Variants in ANO2 observed in about 807,000 individuals in gnomAD.
ANO2 encodes the protein anoctamin-2.
In ANO2, 101 loss-of-function variants were observed where a neutral mutation model predicts 124.2. That is an observed-to-expected ratio of 0.81 (90% CI 0.69 to 0.96). The LOEUF (loss-of-function observed/expected upper bound fraction) is 0.96. Among genes scored for constraint, ANO2 ranks in the 40% least tolerant of loss-of-function variants. The pLI, the probability that ANO2 is intolerant of heterozygous loss-of-function variation, is 0.00. For synonymous variants in ANO2, 486 were observed against 482.5 expected (o/e 1.01, Z -0.09); for missense variants, 1,293 against 1,274.5 (o/e 1.01, Z -0.22).
intron 14 of ANO2, among the ~76,000 whole-genome samples, chr12:5,718,301 C>A (rs1383411669): frequency 6.6e-6 from 1 of 152,204 alleles, no homozygotes; most frequent in African/African-American, 2.4e-5. Flanking sequence ...TCCTCAAAGA[C>A]CCCACATGAT....
chr12:5,703,689 GGT>G (rs2137030665), intron 14 of ANO2, among the ~76,000 whole-genome samples: 1 of 152,130 alleles, frequency 6.6e-6, no homozygotes, highest in African/African-American at 2.4e-5. Flanking sequence ...TGGGACTACA[GGT>G]GTGCACCACA....
At chr12:5,827,902 A>AG in intron 6 of ANO2, 82 bp from the exon 7 acceptor site, 1 of 1,476,672 alleles carries the variant, frequency 6.8e-7, no homozygotes, top group Non-Finnish European at 9.2e-7. Flanking sequence ...ACTGCCTGGC[A>AG]GGGGCGGGAG....
intron 15 of ANO2, among the ~76,000 whole-genome samples, chr12:5,640,868 T>G (rs1202148532): frequency 6.6e-6 from 1 of 152,242 alleles, no homozygotes; most frequent in Non-Finnish European, 1.5e-5. Context: ...GTGATCCCAC[T>G]ACTGGGTACA....
chr12:5,655,697 TATTC>T lies in ANO2; in HGVS notation c.1546-7900_1546-7897del, dbSNP rs1037098706. Among the ~76,000 whole-genome samples the T allele has an allele frequency of 1.2e-3, 179 of 152,344 alleles. 1 individual carries two copies. Among genetic ancestry groups the T allele is most frequent in the African/African-American group, 4.1e-3 (172 of 41,578 alleles). On this transcript the variant is annotated intron_variant, in intron 14 of 24. Transcript: ENST00000682330. The stretch of plus-strand genomic sequence containing the variant: ...GCAATAACTCGTGAGGTGTGATTAT[TATTC>T]CCATTCTATAGCCGTAGGACCTGAA...
intron 3 of ANO2, among the ~76,000 whole-genome samples, chr12:5,897,452 G>T (rs55712234): frequency 0.077 from 11,717 of 152,186 alleles, 888 homozygotes; most frequent in African/African-American, 0.19. Flanking sequence ...TGAGTGACAG[G>T]TAAAGAAATG....
intron 23 of ANO2, among the ~76,000 whole-genome samples, chr12:5,574,426 C>T (rs1429661435): frequency 6.6e-6 from 1 of 152,096 alleles, no homozygotes; most frequent in Non-Finnish European, 1.5e-5. Context: ...TTCTTAACAT[C>T]GTTTTAAATG....
chr12:5,867,993 T>C (rs960679012), intron 3 of ANO2, among the ~76,000 whole-genome samples: 4 of 152,086 alleles, frequency 2.6e-5, no homozygotes, highest in African/African-American at 9.7e-5. Flanking sequence ...GACATAGTAT[T>C]CAATAGCACA....
intron 13 of ANO2, among the ~76,000 whole-genome samples, chr12:5,735,030 C>T (rs140850952): frequency 2.0e-4 from 30 of 152,310 alleles, no homozygotes; most frequent in African/African-American, 6.7e-4. Context: ...AGACAGGCTG[C>T]GCTGCACTCA....
intron 14 of ANO2, among the ~76,000 whole-genome samples, chr12:5,708,593 A>G (rs181082587): frequency 6.6e-6 from 1 of 152,348 alleles, no homozygotes; most frequent in East Asian, 1.9e-4. Flanking sequence ...CTTGGTGCCA[A>G]GCCAGGCTCT....
At chr12:5,624,775 G>A (rs981584627) in intron 16 of ANO2, among the ~76,000 whole-genome samples, 19 of 152,166 alleles carry the variant, frequency 1.2e-4, no homozygotes, top group South Asian at 2.1e-4. Context: ...TTTAGAGAGC[G>A]GTGAGTGTTG....
chr12:5,645,588 A>G (rs1234335314), intron 15 of ANO2, among the ~76,000 whole-genome samples: 1 of 152,112 alleles, frequency 6.6e-6, no homozygotes, highest in East Asian at 1.9e-4. Context: ...TAATTTTCAA[A>G]ATAGTTTCTT....
intron 14 of ANO2, among the ~76,000 whole-genome samples, chr12:5,723,736 T>G (rs1950327938): frequency 6.6e-6 from 1 of 152,086 alleles, no homozygotes; most frequent in African/African-American, 2.4e-5. Flanking sequence ...GTACATAAAA[T>G]TGTCAGGGGG....
At chr12:5,774,332 T>C (rs1054507802) in intron 10 of ANO2, among the ~76,000 whole-genome samples, 1 of 152,032 alleles carries the variant, frequency 6.6e-6, no homozygotes, top group Non-Finnish European at 1.5e-5. Context: ...CCAGGTGTGG[T>C]GGCATGCACC....
chr12:5,615,154 T>C, intron 17 of ANO2, 32 bp downstream of exon 17: 1 of 1,578,040 alleles, frequency 6.3e-7, no homozygotes, highest in Non-Finnish European at 8.7e-7. Context: ...AGTGGCAAAT[T>C]GCCTTTCTAC....
intron 16 of ANO2, among the ~76,000 whole-genome samples, chr12:5,630,588 C>G (rs1055548972): frequency 6.6e-6 from 1 of 152,240 alleles, no homozygotes; most frequent in Non-Finnish European, 1.5e-5. Context: ...TAAATGCTCA[C>G]TGTAGCCTCT....
intron 4 of ANO2, among the ~76,000 whole-genome samples, chr12:5,844,732 T>C (rs1369994572): frequency 6.6e-6 from 1 of 152,192 alleles, no homozygotes; most frequent in Admixed American, 6.5e-5. Context: ...TAATCTAGGA[T>C]GGAATTCCCC....
At chr12:5,818,102 CTGAG>C (rs1953666123) in intron 7 of ANO2, among the ~76,000 whole-genome samples, 1 of 152,080 alleles carries the variant, frequency 6.6e-6, no homozygotes, top group African/African-American at 2.4e-5. Context: ...ATGGTTAATA[CTGAG>C]TGTCAACTTG....
intron 14 of ANO2, among the ~76,000 whole-genome samples, chr12:5,665,063 C>T: frequency 6.6e-6 from 1 of 152,052 alleles, no homozygotes; most frequent in Non-Finnish European, 1.5e-5. Context: ...CTTAAGCCAA[C>T]CAATAACCCA....
At chr12:5,672,141 A>T (rs1475604564) in intron 14 of ANO2, among the ~76,000 whole-genome samples, 1 of 152,018 alleles carries the variant, frequency 6.6e-6, no homozygotes, top group African/African-American at 2.4e-5. Context: ...TCCATTCCCC[A>T]CCGCACCAAT....
Sources: gnomAD v4.1 joint callset for allele counts (sites outside exome capture counted in the v4.1 genomes callset) on GRCh38, gnomAD v4.1.1 for gene constraint, MANE v1.5 for transcripts, NCBI Gene and HGNC (gene_info 2026-07-23, HGNC 2026-07-21) for gene names.